LRIF1: variants seen among roughly 807,000 people sequenced by gnomAD.
The protein encoded by LRIF1 is ligand-dependent nuclear receptor-interacting factor 1.
A neutral mutation model predicts 52.7 loss-of-function variants in LRIF1; 32 were observed. The ratio of observed to expected loss-of-function variants is 0.61; its 90% CI spans 0.46 to 0.82. The LOEUF (loss-of-function observed/expected upper bound fraction) is 0.82. Ranked by LOEUF, LRIF1 falls within the 40% of genes least tolerant of loss-of-function variation. The pLI is 0.00. For missense variants in LRIF1, 887 were observed against 892.0 expected, an observed-to-expected ratio of 0.99 and a Z score of 0.07; for synonymous variants, 323 against 317.4, an observed-to-expected ratio of 1.02 and a Z score of -0.19.
chr1:110,962,882 ATT>A (rs1402913548), intron 1 of LRIF1, among the ~76,000 whole-genome samples: 4 of 152,006 alleles, frequency 2.6e-5, no homozygotes, highest in Admixed American at 6.6e-5. Context: ...TTTAGCTAAC[ATT>A]GTTTCCAATT....
At chr1:110,892,744 C>T in the LRIF1 span, 3 of 498,158 alleles carry the variant, frequency 6.0e-6, no homozygotes, top group African/African-American at 2.0e-5. Flanking sequence ...TGCTATCCCC[C>T]TTGTAGCCAT....
At chr1:110,907,203 C>T in the LRIF1 span, among the ~76,000 whole-genome samples, 2 of 152,118 alleles carry the variant, frequency 1.3e-5, no homozygotes, top group African/African-American at 4.8e-5. Context: ...GGATAATTTC[C>T]TGTTTGTTCC....
chr1:110,928,835 G>A, the LRIF1 span, among the ~76,000 whole-genome samples: 1 of 152,142 alleles, frequency 6.6e-6, no homozygotes, highest in East Asian at 1.9e-4. Context: ...TGAGGTTAGA[G>A]AGGACAGACA....
At chr1:110,895,361 T>C in the LRIF1 span, among the ~76,000 whole-genome samples, 1 of 152,236 alleles carries the variant, frequency 6.6e-6, no homozygotes, top group South Asian at 2.1e-4. Flanking sequence ...AAAATTTTAC[T>C]GAAAACAGCA....
intron 1 of LRIF1, among the ~76,000 whole-genome samples, chr1:110,960,681 C>T (rs999024067): frequency 1.3e-5 from 2 of 152,082 alleles, no homozygotes; most frequent in Non-Finnish European, 2.9e-5. Flanking sequence ...GTTAATTTAC[C>T]AATATCCACC....
intron 1 of LRIF1, among the ~76,000 whole-genome samples, chr1:110,960,981 C>T (rs1192623014): frequency 1.3e-5 from 2 of 152,178 alleles, no homozygotes; most frequent in South Asian, 2.1e-4. Flanking sequence ...CTTAGCAGGG[C>T]AAACAGAACC....
the LRIF1 span, chr1:110,939,163 G>C: frequency 3.9e-5 from 6 of 152,228 alleles, no homozygotes; most frequent in East Asian, 1.2e-3. Context: ...CGGATCACAA[G>C]GTCAGGAGAT....
the LRIF1 span, among the ~76,000 whole-genome samples, chr1:110,920,033 A>T: frequency 6.6e-6 from 1 of 152,322 alleles, no homozygotes; most frequent in South Asian, 2.1e-4. Context: ...CCAAATCCAA[A>T]ATGCAGACAC....
the LRIF1 span, among the ~76,000 whole-genome samples, chr1:110,916,369 G>C: frequency 6.6e-6 from 1 of 152,084 alleles, no homozygotes; most frequent in South Asian, 2.1e-4. Context: ...TAGACTTGTA[G>C]GGTCGAATAA....
chr1:110,924,405 C>T, the LRIF1 span, among the ~76,000 whole-genome samples: 1 of 152,184 alleles, frequency 6.6e-6, no homozygotes, highest in African/African-American at 2.4e-5. Context: ...GTTTAATTGA[C>T]TCACAGTTCC....
chr1:110,922,677 T>A, the LRIF1 span, among the ~76,000 whole-genome samples: 1 of 152,258 alleles, frequency 6.6e-6, no homozygotes, highest in Admixed American at 6.5e-5. Flanking sequence ...TTTCTATTGC[T>A]ACTGTAACAA....
At chr1:110,945,743 C>T (rs1658189870), downstream of LRIF1, among the ~76,000 whole-genome samples, 1 of 152,156 alleles carries the variant, frequency 6.6e-6, no homozygotes, top group South Asian at 2.1e-4. Context: ...TTCTACAATA[C>T]ATTTGCACTG....
chr1:110,935,807 C>T, the LRIF1 span, among the ~76,000 whole-genome samples: 1 of 151,728 alleles, frequency 6.6e-6, no homozygotes, highest in African/African-American at 2.4e-5. Context: ...AGAGAACTTC[C>T]CAAACCTAGA....
the LRIF1 span, among the ~76,000 whole-genome samples, chr1:110,912,321 C>G: frequency 6.6e-6 from 1 of 152,120 alleles, no homozygotes; most frequent in African/African-American, 2.4e-5. Flanking sequence ...AAGCGATTCT[C>G]ATGCTTCAGC....
chr1:110,933,601 C>T, the LRIF1 span, among the ~76,000 whole-genome samples: 4 of 152,098 alleles, frequency 2.6e-5, no homozygotes, highest in South Asian at 4.1e-4. Context: ...TTGGAGAAAA[C>T]GAAACTCACC....
the LRIF1 span, among the ~76,000 whole-genome samples, chr1:110,924,730 T>C: frequency 6.6e-6 from 1 of 152,242 alleles, no homozygotes; most frequent in South Asian, 2.1e-4. Context: ...ATCAGCTTAA[T>C]ACCAAAACTT....
At chr1:110,919,382 T>C in the LRIF1 span, among the ~76,000 whole-genome samples, 1 of 152,164 alleles carries the variant, frequency 6.6e-6, no homozygotes, top group South Asian at 2.1e-4. Flanking sequence ...CCTGCATCTT[T>C]CTCCTGTGCT....
At chr1:110,895,319 C>T in the LRIF1 span, among the ~76,000 whole-genome samples, 3 of 152,196 alleles carry the variant, frequency 2.0e-5, no homozygotes, top group African/African-American at 7.2e-5. Flanking sequence ...AAGACCCAAA[C>T]ACAGCAAACT....
chr1:110,955,915 T>C (rs1034654101), intron 1 of LRIF1, among the ~76,000 whole-genome samples: 1 of 152,164 alleles, frequency 6.6e-6, no homozygotes. Flanking sequence ...AGGCAGGAAA[T>C]GGAAACCAGA....
Sources: gnomAD v4.1 joint callset for allele counts (sites outside exome capture counted in the v4.1 genomes callset) on GRCh38, gnomAD v4.1.1 for gene constraint, MANE v1.5 for transcripts, NCBI Gene and HGNC (gene_info 2026-07-23, HGNC 2026-07-21) for gene names.